Variants in XRCC4 observed in about 807,000 individuals in gnomAD.
XRCC4 encodes the protein DNA repair protein XRCC4.
XRCC4 carries 28 observed loss-of-function variants against 39.1 expected under a neutral mutation model. The observed-to-expected ratio is 0.72, with a 90% CI of 0.53 to 0.98. The LOEUF is 0.98. Among genes scored for constraint, XRCC4 ranks in the 50% least tolerant of loss-of-function variants. The pLI is 0.00. For missense variants in XRCC4, 350 were observed against 376.4 expected (o/e 0.93, Z 0.58); for synonymous variants, 123 against 126.4 (o/e 0.97, Z 0.18).
chr5:83,104,300 A>G (rs1746090642), intron 1 of XRCC4, among the ~76,000 whole-genome samples: 1 of 152,190 alleles, frequency 6.6e-6, no homozygotes, highest in Non-Finnish European at 1.5e-5. Context: ...GTCTCCAGAC[A>G]GAGACTAAGA....
At chr5:83,243,562 T>G (rs968998580) in intron 6 of XRCC4, among the ~76,000 whole-genome samples, 2 of 152,238 alleles carry the variant, frequency 1.3e-5, no homozygotes, top group Non-Finnish European at 1.5e-5. Flanking sequence ...GACAGTCATA[T>G]TCTTAGGTGT....
chr5:83,321,475 T>C (rs1756071863), intron 7 of XRCC4, among the ~76,000 whole-genome samples: 1 of 152,196 alleles, frequency 6.6e-6, no homozygotes, highest in African/African-American at 2.4e-5. Flanking sequence ...GAAATACTTG[T>C]GTATAAATAT....
At chr5:83,333,810 C>T (rs1398496609) in intron 7 of XRCC4, among the ~76,000 whole-genome samples, 4 of 150,914 alleles carry the variant, frequency 2.7e-5, no homozygotes, top group African/African-American at 9.8e-5. Flanking sequence ...TGCTCTGTCG[C>T]CAAGGCTGGA....
chr5:83,352,614 C>A (rs956720701), intron 7 of XRCC4, among the ~76,000 whole-genome samples: 1 of 152,080 alleles, frequency 6.6e-6, no homozygotes, highest in South Asian at 2.1e-4. Flanking sequence ...GATTATGGAC[C>A]AACATTTCAT....
chr5:83,144,908 T>C lies in XRCC4; in HGVS notation c.315+33705T>C, dbSNP rs186282962. ...TTGTCATGATCATAAATTATTATTA[T>C]TATTTGAGACGGAGTCTCACTCTGT... On this transcript the variant is annotated intron_variant, in intron 3 of 7. Coordinates refer to ENST00000396027, the MANE Select transcript of XRCC4 (RefSeq NM_003401.5). 2.9e-3 allele frequency among the ~76,000 whole-genome samples: 435 copies of C among 152,272 alleles called. 3 individuals carry two copies. The highest frequency in any genetic ancestry group is 0.01 in the African/African-American group (416 of 41,548).
chr5:83,236,927 A>G (rs1366423438), intron 6 of XRCC4, among the ~76,000 whole-genome samples: 2 of 152,184 alleles, frequency 1.3e-5, no homozygotes, highest in Admixed American at 6.5e-5. Flanking sequence ...ATTTCTCAAA[A>G]TAAGACATAC....
Position 83,204,478 on chromosome 5 carries a change from C to A in XRCC4, c.639-337C>A, listed in dbSNP as rs559175307. ...GAGATCAAATGAAATGCGAACTGTT[C>A]TGAGATTAGTAAAATGTTAAATACT... On this transcript the variant is annotated intron_variant, in intron 5 of 7. Transcript: ENST00000396027. Among the ~76,000 whole-genome samples, 20 of 152,044 alleles carry A rather than the reference C, an allele frequency of 1.3e-4. No homozygotes were observed. The South Asian group carries it at 3.7e-3, about 28-fold the overall frequency.
At chr5:83,368,535 A>G in the XRCC4 span, among the ~76,000 whole-genome samples, 9 of 152,164 alleles carry the variant, frequency 5.9e-5, no homozygotes, top group Admixed American at 3.3e-4. Flanking sequence ...GCTTTTTTGT[A>G]AACTGGGTTA....
At chr5:83,202,588 TAC>T (rs879689457) in intron 4 of XRCC4, among the ~76,000 whole-genome samples, 2 of 152,132 alleles carry the variant, frequency 1.3e-5, no homozygotes, top group Non-Finnish European at 2.9e-5. Context: ...TCTATATATG[TAC>T]ACACACATAT....
At chr5:83,186,708 C>G (rs1750454166) in intron 3 of XRCC4, among the ~76,000 whole-genome samples, 1 of 152,118 alleles carries the variant, frequency 6.6e-6, no homozygotes, top group African/African-American at 2.4e-5. Flanking sequence ...TTTTCAATTG[C>G]TACAGTAGCA....
At chr5:83,266,801 T>TA (rs1052138420) in intron 7 of XRCC4, among the ~76,000 whole-genome samples, 1 of 152,150 alleles carries the variant, frequency 6.6e-6, no homozygotes, top group Non-Finnish European at 1.5e-5. Context: ...TAAATGAAGA[T>TA]AAATTATCAG....
At chr5:83,345,807 T>G (rs1756901780) in intron 7 of XRCC4, among the ~76,000 whole-genome samples, 1 of 152,216 alleles carries the variant, frequency 6.6e-6, no homozygotes, top group South Asian at 2.1e-4. Flanking sequence ...CCTATAAAGT[T>G]AAAAGAGAAG....
At chr5:83,108,327 T>A (rs974557758) in intron 2 of XRCC4, among the ~76,000 whole-genome samples, 2 of 151,980 alleles carry the variant, frequency 1.3e-5, no homozygotes, top group African/African-American at 4.8e-5. Flanking sequence ...CAGATTTCCA[T>A]GTTTACTTTT....
chr5:83,349,489 C>T (rs1485685061), intron 7 of XRCC4, among the ~76,000 whole-genome samples: 8 of 152,130 alleles, frequency 5.3e-5, no homozygotes, highest in Non-Finnish European at 8.8e-5. Context: ...GATCTCCATT[C>T]GGGACAACTT....
intron 6 of XRCC4, among the ~76,000 whole-genome samples, chr5:83,252,099 C>A (rs1382842123): frequency 2.6e-5 from 4 of 152,154 alleles, no homozygotes; most frequent in Admixed American, 6.5e-5. Flanking sequence ...CTTATCTCAG[C>A]CTCTTTTCTT....
chr5:83,294,131 A>G (rs1755016172), intron 7 of XRCC4, among the ~76,000 whole-genome samples: 1 of 152,006 alleles, frequency 6.6e-6, no homozygotes, highest in Admixed American at 6.6e-5. Context: ...TGACAAAAAG[A>G]AAATGACCAT....
chr5:83,221,579 C>T (rs1218278326), intron 6 of XRCC4, among the ~76,000 whole-genome samples: 1 of 151,860 alleles, frequency 6.6e-6, no homozygotes, highest in Non-Finnish European at 1.5e-5. Flanking sequence ...TAATTTAGAG[C>T]TCCTTAAAAG....
At chr5:83,129,942 A>G (rs574254878) in intron 3 of XRCC4, among the ~76,000 whole-genome samples, 2 of 152,232 alleles carry the variant, frequency 1.3e-5, no homozygotes, top group South Asian at 2.1e-4. Flanking sequence ...CTCTTTTCCT[A>G]ATTGAATACC....
intron 3 of XRCC4, among the ~76,000 whole-genome samples, chr5:83,193,987 G>A (rs548710414): frequency 1.3e-5 from 2 of 152,204 alleles, no homozygotes; most frequent in African/African-American, 4.8e-5. Context: ...AGGCTGGAGT[G>A]CAGTGGCACA....
Sources: gnomAD v4.1 joint callset for allele counts (sites outside exome capture counted in the v4.1 genomes callset) on GRCh38, gnomAD v4.1.1 for gene constraint, MANE v1.5 for transcripts, NCBI Gene and HGNC (gene_info 2026-07-23, HGNC 2026-07-21) for gene names.